Variants in PTPRG observed in about 807,000 individuals in gnomAD.
PTPRG encodes receptor-type tyrosine-protein phosphatase gamma.
A neutral mutation model predicts 165.3 loss-of-function variants in PTPRG; 102 were observed. The ratio of observed to expected loss-of-function variants is 0.62; its 90% confidence interval spans 0.53 to 0.73. The LOEUF is 0.73. Among genes scored for constraint, PTPRG ranks in the 30% least tolerant of loss-of-function variants. The pLI is 0.00. For missense variants in PTPRG, 1,866 were observed against 1,861.4 expected (o/e 1.00, Z -0.05); for synonymous variants, 675 against 669.5 (o/e 1.01, Z -0.13).
At chr3:61,648,870 G>T (rs987474340) in intron 1 of PTPRG, among the ~76,000 whole-genome samples, 17 of 152,172 alleles carry the variant, frequency 1.1e-4, no homozygotes, top group African/African-American at 4.1e-4. Context: ...CCACTTTAAA[G>T]ATTCTGATCT....
chr3:61,913,499 G>T (rs1279007597), intron 2 of PTPRG, among the ~76,000 whole-genome samples: 11 of 152,292 alleles, frequency 7.2e-5, no homozygotes, highest in Non-Finnish European at 1.2e-4. Flanking sequence ...GATTACAGGC[G>T]TGAGCCACCG....
chr3:61,864,363 C>G, intron 2 of PTPRG, among the ~76,000 whole-genome samples: 1 of 152,114 alleles, frequency 6.6e-6, no homozygotes, highest in East Asian at 1.9e-4. Flanking sequence ...TGATCTCTAA[C>G]GATGCCCATG....
intron 2 of PTPRG, among the ~76,000 whole-genome samples, chr3:61,793,676 C>T (rs1486627983): frequency 6.6e-6 from 1 of 152,126 alleles, no homozygotes; most frequent in African/African-American, 2.4e-5. Flanking sequence ...GCTATTCTTA[C>T]CAGCCAAGAC....
At chr3:62,265,355 T>C (rs531123206) in intron 17 of PTPRG, among the ~76,000 whole-genome samples, 1 of 152,320 alleles carries the variant, frequency 6.6e-6, no homozygotes, top group African/African-American at 2.4e-5. Context: ...TTAAATTTAT[T>C]CCTAAGTATT....
chr3:62,104,977 C>G (rs1702421564), intron 5 of PTPRG, among the ~76,000 whole-genome samples: 1 of 152,072 alleles, frequency 6.6e-6, no homozygotes, highest in Non-Finnish European at 1.5e-5. Flanking sequence ...TTTAGTTTGC[C>G]TATTCATCTT....
At chr3:62,076,667 C>T (rs1357614389) in intron 4 of PTPRG, among the ~76,000 whole-genome samples, 17 of 151,694 alleles carry the variant, frequency 1.1e-4, no homozygotes, top group African/African-American at 2.2e-4. Context: ...CCGCAGCATC[C>T]GCCTCCCAGG....
intron 5 of PTPRG, among the ~76,000 whole-genome samples, chr3:62,079,416 T>A (rs1701493191): frequency 6.6e-6 from 1 of 152,226 alleles, no homozygotes; most frequent in Non-Finnish European, 1.5e-5. Context: ...TTTCAGTAAG[T>A]TCTGATCAGC....
chr3:61,567,250 C>T (rs928653589), intron 1 of PTPRG, among the ~76,000 whole-genome samples: 4 of 152,102 alleles, frequency 2.6e-5, no homozygotes, highest in African/African-American at 7.2e-5. Context: ...GGTTAAGCAG[C>T]CACTGACGAG....
chr3:62,269,645 A>T (rs1024044586), intron 20 of PTPRG, among the ~76,000 whole-genome samples: 1 of 152,200 alleles, frequency 6.6e-6, no homozygotes, highest in Admixed American at 6.5e-5. Flanking sequence ...TACAGTGAAC[A>T]TAAGTGACCA....
rs1179537229 is a variant in PTPRG at position 62,210,585 on chromosome 3, T to C, written c.2155+6635T>C. Among the ~76,000 whole-genome samples the C allele has an allele frequency of 2.0e-5, 3 of 152,160 alleles. No homozygotes were observed. Among genetic ancestry groups the C allele is most frequent in the South Asian group, 4.1e-4 (2 of 4,834 alleles). ...CTACTTCTGGGTATACACTTGACCC[T>C]TGAAAAACAGTCTTGAACTGCTTAT... On this transcript the variant is annotated intron_variant, in intron 12 of 29. Coordinates refer to ENST00000474889, the MANE Select transcript of PTPRG (RefSeq NM_002841.4). This position sits in a 1 kb window ranked among gnomAD's most constrained non-coding sequence, Gnocchi z 4.1.
At chr3:61,661,583 C>G (rs1257675834) in intron 1 of PTPRG, among the ~76,000 whole-genome samples, 1 of 152,136 alleles carries the variant, frequency 6.6e-6, no homozygotes, top group Non-Finnish European at 1.5e-5. Context: ...CCAAAAAACA[C>G]TAGAAATTAA....
At chr3:61,859,827 A>G (rs1256991168) in intron 2 of PTPRG, among the ~76,000 whole-genome samples, 1 of 152,044 alleles carries the variant, frequency 6.6e-6, no homozygotes, top group African/African-American at 2.4e-5. Flanking sequence ...TGTGGTAATT[A>G]TTGTTTCTTT....
At chr3:61,935,496 T>C (rs1326181019) in intron 2 of PTPRG, among the ~76,000 whole-genome samples, 1 of 152,086 alleles carries the variant, frequency 6.6e-6, no homozygotes, top group Non-Finnish European at 1.5e-5. Context: ...GAAAGGAACT[T>C]TCTTGATCTT....
chr3:61,576,030 A>C (rs895252256), intron 1 of PTPRG, among the ~76,000 whole-genome samples: 7 of 152,224 alleles, frequency 4.6e-5, no homozygotes, highest in African/African-American at 1.7e-4. Context: ...TGTTGTGAAG[A>C]CATGGGAGAG....
chr3:61,600,083 C>A (rs1300339323), intron 1 of PTPRG, among the ~76,000 whole-genome samples: 1 of 150,848 alleles, frequency 6.6e-6, no homozygotes, highest in East Asian at 2.0e-4. Flanking sequence ...TCACTTGAGC[C>A]CAGGAGGCAG....
chr3:62,078,471 T>A (rs1701464135), intron 5 of PTPRG, among the ~76,000 whole-genome samples: 1 of 152,234 alleles, frequency 6.6e-6, no homozygotes, highest in South Asian at 2.1e-4. Flanking sequence ...CTGATTTTAT[T>A]GCTACTTGAC....
intron 5 of PTPRG, among the ~76,000 whole-genome samples, chr3:62,125,054 AAGGAGCC>A (rs1432479862): frequency 9.9e-5 from 15 of 152,272 alleles, no homozygotes; most frequent in African/African-American, 3.4e-4. Flanking sequence ...CAATGAGTTT[AAGGAGCC>A]AGTGCTTATA....
Position 61,629,250 on chromosome 3 carries a change from G to A in PTPRG, c.85+66878G>A, listed in dbSNP as rs1297230315. Among the ~76,000 whole-genome samples the A allele has an allele frequency of 2.0e-5, 3 of 152,132 alleles. No individual in the cohort carries two copies. In the East Asian group the frequency reaches 5.8e-4, roughly 29 times the overall value. The stretch of plus-strand genomic sequence containing the variant: ...GCTCACTGCAGCCTCTGCCTCCTGG[G>A]TTCAAGTGATTCTCCTGCCTCAGCC... On this transcript the variant is annotated intron_variant, in intron 1 of 29. Coordinates refer to ENST00000474889, the MANE Select transcript of PTPRG (RefSeq NM_002841.4).
chr3:61,590,399 C>T (rs1248972066), intron 1 of PTPRG, among the ~76,000 whole-genome samples: 2 of 152,064 alleles, frequency 1.3e-5, no homozygotes, highest in African/African-American at 2.4e-5. Context: ...TGGCACGCAC[C>T]TGTAACCACA....
Sources: allele counts gnomAD v4.1 joint callset (sites outside exome capture counted in the v4.1 genomes callset), GRCh38; gene constraint gnomAD v4.1.1; non-coding constraint Gnocchi (gnomAD v3.1); transcripts MANE v1.5; gene names NCBI Gene and HGNC (gene_info 2026-07-23, HGNC 2026-07-21).